The following DCDC1 variants were observed in gnomAD, a reference collection of about 807,000 sequenced individuals.
DCDC1 encodes the protein doublecortin domain containing 1, also known as doublecortin domain-containing protein 1.
DCDC1 carries 200 observed loss-of-function variants against 178.3 expected under a neutral mutation model. That is an observed-to-expected ratio of 1.12 (90% confidence interval 1.00 to 1.26). The LOEUF (loss-of-function observed/expected upper bound fraction) is 1.26. Among genes scored for constraint, DCDC1 ranks in the 50% most tolerant of loss-of-function variants. The probability of loss-of-function intolerance (pLI) is 0.00; values close to 1 mark genes in which losing one functional copy is unlikely to be tolerated. For missense variants in DCDC1, 1,983 were observed against 1,749.2 expected, an observed-to-expected ratio of 1.13 and a Z score of -2.38; for synonymous variants, 690 against 604.8, an observed-to-expected ratio of 1.14 and a Z score of -2.07.
chr11:31,107,239 T>C (rs1958913595), intron 12 of DCDC1, among the ~76,000 whole-genome samples: 1 of 152,150 alleles, frequency 6.6e-6, no homozygotes, highest in Admixed American at 6.6e-5. Flanking sequence ...GTGACAGTCT[T>C]ACAGAAAGAG....
At chr11:31,009,833 G>A (rs1203826343) in intron 20 of DCDC1, among the ~76,000 whole-genome samples, 1 of 152,114 alleles carries the variant, frequency 6.6e-6, no homozygotes, top group Non-Finnish European at 1.5e-5. Context: ...TGCTGGGGAG[G>A]CCTCAGGAAA....
intron 9 of DCDC1, among the ~76,000 whole-genome samples, chr11:31,217,334 G>A (rs957592277): frequency 1.3e-5 from 2 of 152,158 alleles, no homozygotes; most frequent in African/African-American, 4.8e-5. Context: ...GGACTTCAAA[G>A]TGATTTTAAG....
At chr11:30,884,645 C>T (rs1434019983) in intron 36 of DCDC1, among the ~76,000 whole-genome samples, 1 of 151,736 alleles carries the variant, frequency 6.6e-6, no homozygotes, top group Non-Finnish European at 1.5e-5. Context: ...AAATCTATCC[C>T]CAAAACAAAG....
chr11:31,170,379 T>C (rs1378628402), intron 9 of DCDC1, among the ~76,000 whole-genome samples: 2 of 152,304 alleles, frequency 1.3e-5, no homozygotes, highest in East Asian at 3.9e-4. Flanking sequence ...GATCTGCTGG[T>C]TCTATTTCTT....
At chr11:30,973,365 T>C (rs377688699) in intron 20 of DCDC1, among the ~76,000 whole-genome samples, 2 of 151,452 alleles carry the variant, frequency 1.3e-5, no homozygotes. Flanking sequence ...TGTCTTCCAC[T>C]ATGACTGTAA....
At position 30,922,552 on chromosome 11, in the gene DCDC1, T is replaced by C; in HGVS notation, c.3084A>G (p.Glu1028=). Residue 1028 remains glutamate, a synonymous_variant, in exon 24 of 39, where the codon GAA becomes GAG. Coordinates refer to ENST00000684477, the MANE Select transcript of DCDC1 (RefSeq NM_001387274.1). ...AGATTTGAATTTTGGCAATGTCTGA[T>C]TCTAGGTTCCTCAGGAATATTTGTT... The part of the protein sequence containing the change: ...QKKQIFLRNL[E]SDIAKIQIFC... 1.3e-6 allele frequency: 2 copies of C among 1,585,600 alleles called. No homozygotes were observed. Among genetic ancestry groups the C allele is most frequent in the Non-Finnish European group, 1.7e-6 (2 of 1,170,202 alleles).
chr11:31,305,521 A>T, intron 6 of DCDC1, 94 bp downstream of exon 6: 1 of 1,482,746 alleles, frequency 6.7e-7, no homozygotes, highest in African/African-American at 1.4e-5. Context: ...TTGTTAAACC[A>T]TGCAAAAAAG....
intron 8 of DCDC1, among the ~76,000 whole-genome samples, chr11:31,253,890 G>A (rs1243188529): frequency 6.6e-6 from 1 of 152,126 alleles, no homozygotes; most frequent in African/African-American, 2.4e-5. Context: ...TTCATGTCAG[G>A]TTTAGCTGTG....
intron 21 of DCDC1, among the ~76,000 whole-genome samples, chr11:30,946,004 G>A (rs576656497): frequency 1.3e-5 from 2 of 152,046 alleles, no homozygotes; most frequent in South Asian, 2.1e-4. Context: ...CAAATTGAAG[G>A]TTCAAACTTC....
intron 20 of DCDC1, among the ~76,000 whole-genome samples, chr11:31,040,456 C>T (rs570423511): frequency 3.3e-5 from 5 of 152,198 alleles, no homozygotes; most frequent in South Asian, 4.2e-4. Flanking sequence ...GTGTGGGAAC[C>T]GCTGTTATAG....
chr11:31,246,871 G>A (rs187288471), intron 8 of DCDC1, among the ~76,000 whole-genome samples: 5 of 152,054 alleles, frequency 3.3e-5, no homozygotes, highest in Admixed American at 1.3e-4. Flanking sequence ...ATTTAGCAGT[G>A]GTTTTCTTAA....
chr11:31,087,381 C>T (rs1433626132), intron 17 of DCDC1, among the ~76,000 whole-genome samples: 1 of 151,162 alleles, frequency 6.6e-6, no homozygotes, highest in African/African-American at 2.4e-5. Flanking sequence ...TATCCCATTT[C>T]TTCTGCTTAC....
chr11:31,124,213 A>C (rs1277100704), intron 11 of DCDC1, among the ~76,000 whole-genome samples: 1 of 151,992 alleles, frequency 6.6e-6, no homozygotes, highest in Non-Finnish European at 1.5e-5. Context: ...CAGTTTATTG[A>C]GAGTTTTTAA....
At chr11:30,869,096 C>T (rs1941295497) in intron 38 of DCDC1, among the ~76,000 whole-genome samples, 1 of 152,196 alleles carries the variant, frequency 6.6e-6, no homozygotes, top group African/African-American at 2.4e-5. Context: ...AACAGAGGGT[C>T]TGTCTGGTCT....
chr11:31,245,262 A>C (rs999295935), intron 8 of DCDC1, among the ~76,000 whole-genome samples: 1 of 150,900 alleles, frequency 6.6e-6, no homozygotes, highest in African/African-American at 2.4e-5. Context: ...TTCATCCCCC[A>C]GTAAATCCTA....
At chr11:30,907,888 T>C (rs930570526) in intron 29 of DCDC1, among the ~76,000 whole-genome samples, 5 of 152,186 alleles carry the variant, frequency 3.3e-5, no homozygotes, top group African/African-American at 7.2e-5. Context: ...ATAAGTGACA[T>C]CAATAGAAAG....
At chr11:31,172,932 T>C (rs920313444) in intron 9 of DCDC1, among the ~76,000 whole-genome samples, 3 of 152,132 alleles carry the variant, frequency 2.0e-5, no homozygotes, top group African/African-American at 7.2e-5. Flanking sequence ...CCTAGTTACA[T>C]ACTCTAAGAA....
intron 9 of DCDC1, among the ~76,000 whole-genome samples, chr11:31,238,922 A>C (rs963274849): frequency 6.6e-6 from 1 of 152,116 alleles, no homozygotes; most frequent in African/African-American, 2.4e-5. Flanking sequence ...GCCAAGCTAA[A>C]GTTAAAAATT....
At chr11:31,122,551 T>A (rs189141899) in intron 11 of DCDC1, among the ~76,000 whole-genome samples, 35 of 152,160 alleles carry the variant, frequency 2.3e-4, no homozygotes, top group African/African-American at 8.4e-4. Flanking sequence ...TAATAAAATA[T>A]CTAATACTTT....
Sources: gnomAD v4.1 joint callset for allele counts (sites outside exome capture counted in the v4.1 genomes callset) on GRCh38, gnomAD v4.1.1 for gene constraint, MANE v1.5 for transcripts, NCBI Gene and HGNC (gene_info 2026-07-23, HGNC 2026-07-21) for gene names.